Variants in PCLO observed in about 807,000 individuals in gnomAD.
PCLO encodes the protein protein piccolo.
A neutral mutation model predicts 427.5 loss-of-function variants in PCLO; 82 were observed. That is an observed-to-expected ratio of 0.19 (90% CI 0.16 to 0.23). The LOEUF (loss-of-function observed/expected upper bound fraction) is 0.23. Among genes scored for constraint, PCLO ranks in the 10% least tolerant of loss-of-function variants. The pLI, the probability that PCLO is intolerant of heterozygous loss-of-function variation, is 1.00. For synonymous variants in PCLO, 2,357 were observed against 2,155.4 expected, an observed-to-expected ratio of 1.09 and a Z score of -2.59; for missense variants, 6,239 against 6,115.9, an observed-to-expected ratio of 1.02 and a Z score of -0.67.
chr7:82,770,814 T>G (rs554865939), intron 22 of PCLO, among the ~76,000 whole-genome samples: 1 of 152,058 alleles, frequency 6.6e-6, no homozygotes, highest in East Asian at 1.9e-4. Flanking sequence ...CAAAGCAAGC[T>G]ACTCGATTTT....
chr7:82,803,104 T>C (rs1791391018), intron 21 of PCLO, among the ~76,000 whole-genome samples: 1 of 151,988 alleles, frequency 6.6e-6, no homozygotes, highest in Admixed American at 6.6e-5. Flanking sequence ...TTTTAGCTTA[T>C]GTAATTGCTT....
rs1333497693 is a variant in PCLO at position 82,955,710 on chromosome 7, T to C, written c.5243A>G (p.Lys1748Arg). The C allele has an allele frequency of 1.9e-6, 3 of 1,613,834 alleles. No individual in the cohort carries two copies. Among genetic ancestry groups the C allele is most frequent in the East Asian group, 4.5e-5 (2 of 44,880 alleles). Residue 1748 changes from lysine (K) to arginine (R), a missense_variant, in exon 5 of 25, where the codon AAA becomes AGA. By Grantham distance (26) the Lys-to-Arg change is conservative. This residue lies in a region of PCLO where 4,677 missense variants were observed against 4,468.4 expected (regional missense o/e 1.05). Coordinates refer to ENST00000333891, the MANE Select transcript of PCLO (RefSeq NM_033026.6). Reference protein sequence around the residue: ...DEDSDSSPSHKKGESKQQRKA... With the variant: ...DEDSDSSPSHRKGESKQQRKA... ...GCGTTGCTGTTTGCTCTCTCCTTTT[T>C]TGTGACTCGGGCTACTGTCACTGTC...
At chr7:82,982,325 C>T (rs941983318) in intron 3 of PCLO, among the ~76,000 whole-genome samples, 1 of 152,034 alleles carries the variant, frequency 6.6e-6, no homozygotes, top group African/African-American at 2.4e-5. Flanking sequence ...GGGGATGAGA[C>T]TCAGGGAAGG....
chr7:82,840,153 T>A (rs1173373432), intron 14 of PCLO, among the ~76,000 whole-genome samples: 1 of 152,076 alleles, frequency 6.6e-6, no homozygotes, highest in African/African-American at 2.4e-5. Context: ...TTCTAGCATT[T>A]TCTTTGCTGT....
intron 3 of PCLO, among the ~76,000 whole-genome samples, chr7:83,010,093 T>C (rs75576627): frequency 2.0e-5 from 3 of 151,900 alleles, no homozygotes; most frequent in African/African-American, 7.2e-5. Context: ...AGAATTGTCA[T>C]GAGGATTAAA....
At chr7:82,988,471 T>C (rs1425236481) in intron 3 of PCLO, among the ~76,000 whole-genome samples, 1 of 152,214 alleles carries the variant, frequency 6.6e-6, no homozygotes, top group Non-Finnish European at 1.5e-5. Context: ...GACCATATAA[T>C]ACTCATTCAC....
At chr7:82,981,212 G>C (rs1796139824) in intron 3 of PCLO, among the ~76,000 whole-genome samples, 1 of 151,002 alleles carries the variant, frequency 6.6e-6, no homozygotes, top group Non-Finnish European at 1.5e-5. Flanking sequence ...GGGGTGGGAG[G>C]GACATATAAT....
chr7:82,820,449 C>CT, intron 20 of PCLO: 1 of 1,078,282 alleles, frequency 9.3e-7, no homozygotes, highest in South Asian at 4.7e-5. Flanking sequence ...TAAGCTGCAT[C>CT]ATATAACAAT....
At position 83,017,516 on chromosome 7, in the gene PCLO, A is replaced by G. The variant is rs905094321; in HGVS notation, c.3301-51029T>C. ...CTTTCCTGAATGGAAAAAGAAACAG[A>G]TCAAGCAGATCACATAGGTTCACTG... is the stretch of plus-strand genomic sequence containing the variant. On this transcript the variant is annotated intron_variant, in intron 3 of 24. Transcript: ENST00000333891. Among the ~76,000 whole-genome samples the G allele has an allele frequency of 3.9e-5, 6 of 152,140 alleles. No homozygotes were observed. In the South Asian group the frequency reaches 1.0e-3, roughly 26 times the overall value.
At chr7:82,838,499 T>C (rs1267941028) in intron 14 of PCLO, among the ~76,000 whole-genome samples, 157 bp from the exon 15 acceptor site, 1 of 151,990 alleles carries the variant, frequency 6.6e-6, no homozygotes, top group East Asian at 1.9e-4. Context: ...ATGTCTAATT[T>C]AATTGAGAGC....
chr7:83,116,036 A>G (rs1791123536), intron 3 of PCLO, among the ~76,000 whole-genome samples: 1 of 152,018 alleles, frequency 6.6e-6, no homozygotes, highest in African/African-American at 2.4e-5. Context: ...CATTAAAGAA[A>G]AACATATTAT....
In PCLO at chr7:82,876,799, T is replaced by A. The variant is rs554240882; in HGVS notation, c.13654+2538A>T. On this transcript the variant is annotated intron_variant, in intron 10 of 24. Coordinates refer to ENST00000333891, the MANE Select transcript of PCLO (RefSeq NM_033026.6). ...ACAGGTAGTTTATTAAAGAGCTATGTTGTAAGAGTAAATACAGCTGGAAAT... is the reference window on the plus strand; with the variant it reads ...ACAGGTAGTTTATTAAAGAGCTATGATGTAAGAGTAAATACAGCTGGAAAT... 2.6e-5 allele frequency among the ~76,000 whole-genome samples: 4 copies of A among 152,120 alleles called. No homozygotes were observed. The South Asian group carries it at 8.3e-4, about 32-fold the overall frequency.
At position 82,841,506 on chromosome 7, in the gene PCLO, T is replaced by G; in HGVS notation, c.14050A>C (p.Thr4684Pro). Residue 4684 changes from threonine (T) to proline (P), a missense_variant, in exon 14 of 25, where the codon ACC becomes CCC. Coordinates refer to ENST00000333891, the MANE Select transcript of PCLO (RefSeq NM_033026.6). ...TGAGAGACAACCTTTGTTCCATCGGTAGGCTGTAATATTAAAGAACATATA... is the reference window on the plus strand; with the variant it reads ...TGAGAGACAACCTTTGTTCCATCGGGAGGCTGTAATATTAAAGAACATATA... ...SKKKHGSSKP[T>P]DGTKVVSHPI... The G allele has an allele frequency of 1.3e-6, 2 of 1,552,204 alleles. No homozygotes were observed. Among genetic ancestry groups the G allele is most frequent in the Non-Finnish European group, 1.8e-6 (2 of 1,125,002 alleles).
intron 3 of PCLO, among the ~76,000 whole-genome samples, chr7:83,073,975 TG>T (rs1413413962): frequency 6.6e-6 from 1 of 151,722 alleles, no homozygotes; most frequent in Non-Finnish European, 1.5e-5. Context: ...CAATACCATT[TG>T]GGGGGTACTA....
chr7:82,998,964 G>A (rs765068557), intron 3 of PCLO, among the ~76,000 whole-genome samples: 1 of 151,330 alleles, frequency 6.6e-6, no homozygotes, highest in African/African-American at 2.4e-5. Flanking sequence ...TGGACGGTTT[G>A]AGCAGATAAA....
At position 82,955,158 on chromosome 7, in the gene PCLO, G is replaced by A. The variant is rs944289041; in HGVS notation, c.5795C>T (p.Pro1932Leu). 6.2e-6 allele frequency: 10 copies of A among 1,613,568 alleles called. No individual in the cohort carries two copies. The African/African-American group carries it at 8.0e-5, about 13-fold the overall frequency. The change falls in exon 5 of 25, where the codon CCA becomes CTA. Residue 1932 changes from proline (P) to leucine (L), a missense_variant. Transcript: ENST00000333891. Reference sequence around the variant, plus strand: ...CACTTCATCTCGTTCATTTGCAGCTGGAAAAGCTTTGTATTTGTGTGTTTT... The same window carrying A: ...CACTTCATCTCGTTCATTTGCAGCTAGAAAAGCTTTGTATTTGTGTGTTTT... The part of the protein sequence containing the change: ...MHKTHKYKAF[P>L]AANERDEVFE...
At chr7:82,971,078 A>T (rs755086114) in intron 3 of PCLO, among the ~76,000 whole-genome samples, 16 of 151,910 alleles carry the variant, frequency 1.1e-4, no homozygotes, top group Non-Finnish European at 2.1e-4. Context: ...TATTGTATTT[A>T]TAGTTCCAAA....
chr7:82,815,787 G>GT (rs1791665259), intron 20 of PCLO, among the ~76,000 whole-genome samples: 1 of 151,930 alleles, frequency 6.6e-6, no homozygotes, highest in Non-Finnish European at 1.5e-5. Context: ...ACTTTCAATG[G>GT]TAAAAACCAC....
chr7:82,986,346 GAA>G (rs1208583281), intron 3 of PCLO, among the ~76,000 whole-genome samples: 1 of 59,458 alleles, frequency 1.7e-5, no homozygotes, highest in Non-Finnish European at 4.1e-5. Flanking sequence ...AAACAAATTA[GAA>G]ATATGCTCTT....
Sources: allele counts gnomAD v4.1 joint callset (sites outside exome capture counted in the v4.1 genomes callset), GRCh38; gene constraint gnomAD v4.1.1; regional missense constraint gnomAD v4.1.1; transcripts MANE v1.5; gene names NCBI Gene and HGNC (gene_info 2026-07-23, HGNC 2026-07-21).